The following MYO3A variants were observed in gnomAD, a reference collection of about 807,000 sequenced individuals.
The protein encoded by MYO3A is myosin IIIA.
Under a neutral mutation model 192.7 loss-of-function variants are expected in MYO3A, and 180 were observed. That is an observed-to-expected ratio of 0.93 (90% CI 0.83 to 1.06). The LOEUF (loss-of-function observed/expected upper bound fraction) is 1.06, where lower values mean the gene tolerates loss of function less well. Among genes scored for constraint, MYO3A ranks in the 50% least tolerant of loss-of-function variants. The pLI, the probability that MYO3A is intolerant of heterozygous loss-of-function variation, is 0.00. For synonymous variants in MYO3A, 628 were observed against 645.3 expected (o/e 0.97, Z 0.41); for missense variants, 1,896 against 1,905.0 (o/e 1.00, Z 0.09).
intron 2 of MYO3A, among the ~76,000 whole-genome samples, chr10:25,939,594 G>A (rs1417309827): frequency 6.6e-6 from 1 of 151,754 alleles, no homozygotes; most frequent in Non-Finnish European, 1.5e-5. Context: ...TTTAAGGTAT[G>A]CAATTGTATA....
At chr10:26,128,091 T>C (rs1365639240) in intron 19 of MYO3A, among the ~76,000 whole-genome samples, 1 of 152,138 alleles carries the variant, frequency 6.6e-6, no homozygotes, top group Admixed American at 6.6e-5. Flanking sequence ...CCTGACTCAC[T>C]CAAGCCTGTG....
At chr10:26,191,422 G>C (rs1843124312) in intron 31 of MYO3A, among the ~76,000 whole-genome samples, 1 of 152,210 alleles carries the variant, frequency 6.6e-6, no homozygotes, top group South Asian at 2.1e-4. Flanking sequence ...GAGGGAATGG[G>C]AGATGAACCT....
intron 3 of MYO3A, among the ~76,000 whole-genome samples, chr10:25,953,543 C>T (rs1040564401): frequency 2.6e-5 from 4 of 152,114 alleles, no homozygotes; most frequent in African/African-American, 9.7e-5. Flanking sequence ...CTATACCTCT[C>T]TTTCCTGTAG....
chr10:25,978,720 A>G (rs938107887), intron 4 of MYO3A, among the ~76,000 whole-genome samples: 1 of 152,238 alleles, frequency 6.6e-6, no homozygotes, highest in African/African-American at 2.4e-5. Flanking sequence ...GGAAATTACT[A>G]TCTTAGTTGA....
chr10:26,019,473 C>T (rs113370549), intron 7 of MYO3A, among the ~76,000 whole-genome samples: 6,558 of 152,074 alleles, frequency 0.043, 180 homozygotes, highest in Middle Eastern at 0.068. Context: ...ACTGCCACCA[C>T]GCCTGGCTAA....
intron 6 of MYO3A, among the ~76,000 whole-genome samples, chr10:26,010,452 T>TG (rs1841564391): frequency 1.6e-5 from 2 of 124,040 alleles, no homozygotes; most frequent in African/African-American, 6.3e-5. Context: ...AAGTAGTTGT[T>TG]TTTTTTTTTT....
intron 31 of MYO3A, among the ~76,000 whole-genome samples, chr10:26,182,613 G>A (rs2132087863): frequency 6.6e-6 from 1 of 152,232 alleles, no homozygotes; most frequent in African/African-American, 2.4e-5. Context: ...TTGGCTCTCT[G>A]GGAAAAATTA....
intron 11 of MYO3A, 148 bp from the exon 12 acceptor site, chr10:26,068,620 G>C: frequency 1.9e-6 from 1 of 531,446 alleles, no homozygotes; most frequent in East Asian, 3.4e-5. Context: ...TTGCAGAGCT[G>C]ATGTTACATG....
At chr10:26,118,434 A>G (rs911299596) in intron 17 of MYO3A, among the ~76,000 whole-genome samples, 1 of 152,032 alleles carries the variant, frequency 6.6e-6, no homozygotes, top group Admixed American at 6.6e-5. Flanking sequence ...TTCCATCTCT[A>G]CCATTTACTG....
At chr10:25,980,235 T>G (rs978790234) in intron 4 of MYO3A, among the ~76,000 whole-genome samples, 16 of 127,884 alleles carry the variant, frequency 1.3e-4, no homozygotes, top group Admixed American at 1.1e-3. Context: ...AGACTCCGTC[T>G]CAAAAAAAAA....
chr10:26,081,240 G>A (rs1835939532), intron 14 of MYO3A, among the ~76,000 whole-genome samples: 1 of 150,464 alleles, frequency 6.6e-6, no homozygotes, highest in African/African-American at 2.4e-5. Flanking sequence ...GTCTTGCTGT[G>A]GCTGCTGTGT....
intron 7 of MYO3A, among the ~76,000 whole-genome samples, chr10:26,020,898 A>C (rs1203755282): frequency 3.3e-5 from 5 of 152,226 alleles, no homozygotes; most frequent in Admixed American, 2.0e-4. Flanking sequence ...TTTACAATTT[A>C]GGGTGGCCCC....
At chr10:26,200,775 C>G (rs1449605955) in intron 32 of MYO3A, 1 of 152,248 alleles carries the variant, frequency 6.6e-6, no homozygotes, top group Non-Finnish European at 1.5e-5. Flanking sequence ...AAATGGGCTC[C>G]TATAGGTTTA....
In MYO3A at chr10:26,125,561, G is replaced by C. The variant is rs1478631761; in HGVS notation, c.2067G>C (p.Trp689Cys). Residue 689 changes from tryptophan to cysteine, a missense_variant, in exon 19 of 35, where the codon TGG becomes TGC. Physicochemically the swap from Trp to Cys is radical, Grantham distance 215. Transcript: ENST00000642920. ...AKTLYGRLFS[W>C]IVNCINSLLK... is the part of the protein sequence containing the mutation. Reference sequence around the variant, plus strand: ...CTTTATATGGACGTCTCTTTAGTTGGATAGTCAATTGCATTAACAGTTTGT... The same window carrying C: ...CTTTATATGGACGTCTCTTTAGTTGCATAGTCAATTGCATTAACAGTTTGT... 1 of 1,614,014 alleles carries C rather than the reference G, an allele frequency of 6.2e-7. No homozygotes were observed. Among genetic ancestry groups the C allele is most frequent in the Admixed American group, 1.7e-5 (1 of 60,020 alleles).
chr10:26,009,560 CG>C (rs1841486353), intron 6 of MYO3A, among the ~76,000 whole-genome samples: 1 of 151,974 alleles, frequency 6.6e-6, no homozygotes, highest in Non-Finnish European at 1.5e-5. Flanking sequence ...TCCTCAGGTG[CG>C]GGTGTGCAGA....
At position 26,212,130 on chromosome 10, in the gene MYO3A, G is replaced by C; in HGVS notation, c.*167G>C. On this transcript the variant is annotated 3_prime_UTR_variant, in exon 35 of 35. Coordinates refer to ENST00000642920, the MANE Select transcript of MYO3A (RefSeq NM_017433.5). ...CCCTCAAGTGCCCGGGCCGGCCTTCGTGCTCCGAAACAAGAGACCTGGGAG... is the reference window on the plus strand; with the variant it reads ...CCCTCAAGTGCCCGGGCCGGCCTTCCTGCTCCGAAACAAGAGACCTGGGAG... 1.9e-6 allele frequency: 2 copies of C among 1,064,946 alleles called. No individual in the cohort carries two copies. Among genetic ancestry groups the C allele is most frequent in the Non-Finnish European group, 2.6e-6 (2 of 770,960 alleles). 66.0% of individuals were successfully genotyped at this position (1,064,946 alleles called of 1,614,324 possible). A position where few individuals can be genotyped will look rare whatever the true frequency, so the allele number is the denominator to read the frequency against.
In MYO3A at chr10:26,117,189, A is replaced by G. The variant is rs564842119; in HGVS notation, c.1777-3487A>G. Among the ~76,000 whole-genome samples, 20 of 152,210 alleles carry G rather than the reference A, an allele frequency of 1.3e-4. No individual in the cohort carries two copies. The South Asian group carries it at 3.5e-3, about 27-fold the overall frequency. ...CTGTATACAGCCAAGCCTCTTCATTATTTTGCTGGATTCAACCAATCCCTT... is the reference window on the plus strand; with the variant it reads ...CTGTATACAGCCAAGCCTCTTCATTGTTTTGCTGGATTCAACCAATCCCTT... On this transcript the variant is annotated intron_variant, in intron 17 of 34. Transcript: ENST00000642920.
chr10:26,066,976 C>T lies in MYO3A; in HGVS notation c.955C>T (p.Arg319Cys), dbSNP rs964475616. 8 of 1,604,778 alleles carry T rather than the reference C, an allele frequency of 5.0e-6. No homozygotes were observed. Among genetic ancestry groups the T allele is most frequent in the African/African-American group, 1.3e-5 (1 of 74,894 alleles). ...QCMGGTEKAR[R>C]ERIHTKKGNF... ...ATCAGAAAGCGTTTTTCTCCACAGA[C>T]GTGAACGTATTCACACGAAGAAAGG... The change falls in exon 11 of 35, where the codon CGT becomes TGT. Residue 319 changes from arginine (R) to cysteine (C), a missense_variant and splice_region_variant. Arg to Cys is a radical substitution (Grantham distance 180, BLOSUM62 -3). Coordinates refer to ENST00000642920, the MANE Select transcript of MYO3A (RefSeq NM_017433.5).
chr10:26,206,303 C>T (rs576118790), intron 34 of MYO3A, among the ~76,000 whole-genome samples: 1 of 145,022 alleles, frequency 6.9e-6, no homozygotes, highest in African/African-American at 2.5e-5. Context: ...TCAAGTGATC[C>T]ATCCGCCTCG....
Sources: gnomAD v4.1 joint callset for allele counts (sites outside exome capture counted in the v4.1 genomes callset) on GRCh38, gnomAD v4.1.1 for gene constraint, MANE v1.5 for transcripts, NCBI Gene and HGNC (gene_info 2026-07-23, HGNC 2026-07-21) for gene names.